ZNF341: variants seen among roughly 807,000 people sequenced by gnomAD.
ZNF341 encodes zinc finger protein 341.
ZNF341 carries 52 observed loss-of-function variants against 87.7 expected under a neutral mutation model. The observed-to-expected ratio is 0.59, with a 90% CI of 0.47 to 0.75. The LOEUF (loss-of-function observed/expected upper bound fraction) is 0.75. Ranked by LOEUF, ZNF341 falls within the 30% of genes least tolerant of loss-of-function variation. The probability of loss-of-function intolerance (pLI) is 0.00; values close to 1 mark genes in which losing one functional copy is unlikely to be tolerated. For synonymous variants in ZNF341, 459 were observed against 472.7 expected (o/e 0.97, Z 0.38); for missense variants, 977 against 1,145.9 (o/e 0.85, Z 2.13).
intron 4 of ZNF341, among the ~76,000 whole-genome samples, chr20:33,751,719 T>G (rs1212173474): frequency 2.6e-5 from 4 of 152,006 alleles, no homozygotes; most frequent in African/African-American, 9.7e-5. Context: ...GGACTACAGG[T>G]GTGCACCACT....
Position 33,791,342 on chromosome 20 carries a change from C to T in ZNF341, c.2390C>T (p.Pro797Leu), listed in dbSNP as rs376688156. 9 of 1,611,942 alleles carry T rather than the reference C, an allele frequency of 5.6e-6. No individual in the cohort carries two copies. Among genetic ancestry groups the T allele is most frequent in the African/African-American group, 5.3e-5 (4 of 74,910 alleles). The change falls in exon 15 of 15, where the codon CCG (proline) becomes CTG (leucine). Residue 797 changes from proline to leucine, a missense_variant. This residue lies in a region of ZNF341 where 221 missense variants were observed against 212.7 expected (regional missense o/e 1.04). Transcript: ENST00000375200. ...CCCGGCAAGCCGCCCTTCGCAGAGC[C>T]GGACGCGGTGCTGTCCATCGTTGTG... ...AVPGKPPFAE[P>L]DAVLSIVVGG...
intron 12 of ZNF341, among the ~76,000 whole-genome samples, chr20:33,785,559 A>G (rs1466310717): frequency 6.6e-6 from 1 of 151,598 alleles, no homozygotes; most frequent in Non-Finnish European, 1.5e-5. Flanking sequence ...ATGGTCTCAA[A>G]CTCCTGGCCT....
chr20:33,763,905 C>T (rs1427846603), intron 8 of ZNF341, among the ~76,000 whole-genome samples: 2 of 150,752 alleles, frequency 1.3e-5, no homozygotes, highest in East Asian at 2.0e-4. Flanking sequence ...AATGTTCAGC[C>T]GGGCATGGTG....
rs775319895 is a variant in ZNF341, at chr20:33,748,994, C to T, written c.411C>T (p.Ser137=). ...TGGTGCAGGGGAACATCTTGGTGAG[C>T]GATGATGTGCTCATGTCTGCCATGT... ...QTLVQGNILV[S]DDVLMSAMSA... The change falls in exon 4 of 15, where the codon AGC becomes AGT. Residue 137 remains serine, a synonymous_variant. Transcript: ENST00000375200. 2.5e-6 allele frequency: 4 copies of T among 1,614,222 alleles called. No homozygotes were observed. The highest frequency in any genetic ancestry group is 1.7e-5 in the Admixed American group (1 of 60,028).
At chr20:33,767,276 C>T (rs771368859) in intron 9 of ZNF341, among the ~76,000 whole-genome samples, 8 of 152,158 alleles carry the variant, frequency 5.3e-5, no homozygotes, top group Non-Finnish European at 1.2e-4. Flanking sequence ...CTCCACCCAG[C>T]GTAAGGACTC....
intron 9 of ZNF341, 127 bp downstream of exon 9, chr20:33,767,168 C>A: frequency 8.7e-7 from 1 of 1,144,332 alleles, no homozygotes; most frequent in Non-Finnish European, 1.2e-6. Context: ...GCTCTATTCC[C>A]CCCGGGTTAG....
intron 12 of ZNF341, among the ~76,000 whole-genome samples, chr20:33,786,738 GTGGGTGGA>G (rs930218538): frequency 6.6e-6 from 1 of 152,078 alleles, no homozygotes; most frequent in Non-Finnish European, 1.5e-5. Context: ...GAAGGTGAAG[GTGGGTGGA>G]GCACCTAGGT....
At position 33,790,984 on chromosome 20, in the gene ZNF341, C is replaced by T. The variant is rs769742493; in HGVS notation, c.2036-4C>T. ...CTTCTCACTGACTTTCCCTTGCCCT[C>T]CAGGCATGAAGCTCCACAAATGCGC... On this transcript the variant is annotated splice_polypyrimidine_tract_variant and splice_region_variant and intron_variant, in intron 14 of 14. Transcript: ENST00000375200. 3 of 1,607,252 alleles carry T rather than the reference C, an allele frequency of 1.9e-6. No homozygotes were observed. The highest frequency in any genetic ancestry group is 2.6e-6 in the Non-Finnish European group (3 of 1,176,086).
chr20:33,739,838 TACA>T (rs1431769265), intron 1 of ZNF341, among the ~76,000 whole-genome samples: 1 of 152,102 alleles, frequency 6.6e-6, no homozygotes, highest in Non-Finnish European at 1.5e-5. Context: ...GGCTGTGTTC[TACA>T]AGGTTCTCAG....
Position 33,757,202 on chromosome 20 carries a change from C to G in ZNF341, c.796C>G (p.Pro266Ala). 2 of 1,599,182 alleles carry G rather than the reference C, an allele frequency of 1.3e-6. No individual in the cohort carries two copies. The highest frequency in any genetic ancestry group is 1.7e-6 in the Non-Finnish European group (2 of 1,173,628). Residue 266 changes from proline to alanine, a missense_variant, in exon 6 of 15, where the codon CCT becomes GCT. Physicochemically the swap from Pro to Ala is conservative, Grantham distance 27. This residue lies in a region of ZNF341 where 515 missense variants were observed against 598.2 expected (regional missense o/e 0.86). Coordinates refer to ENST00000375200, the MANE Select transcript of ZNF341 (RefSeq NM_001282933.2). ...PVYPTPTVYSPGKQGFKPKGP... is the reference protein window; with the variant it reads ...PVYPTPTVYSAGKQGFKPKGP... ...ATATCCCACCCCCACAGTGTACAGC[C>G]CTGGCAAACAGGGATTCAAACCCAA...
rs777008913 is a variant in ZNF341 at position 33,791,007 on chromosome 20, C to T, written c.2055C>T (p.Cys685=). 67 of 1,612,246 alleles carry T rather than the reference C, an allele frequency of 4.2e-5. No homozygotes were observed. Among genetic ancestry groups the T allele is most frequent in the Middle Eastern group, 1.6e-4 (1 of 6,070 alleles). ...LSHSGMKLHK[C]ALCSKSFSRR... ...CTCCAGGCATGAAGCTCCACAAATG[C>T]GCCCTGTGCAGCAAGTCCTTCAGCC... is the stretch of plus-strand genomic sequence containing the variant. Residue 685 remains cysteine (C), a synonymous_variant, in exon 15 of 15, where the codon TGC becomes TGT. Coordinates refer to ENST00000375200, the MANE Select transcript of ZNF341 (RefSeq NM_001282933.2).
At position 33,741,027 on chromosome 20, in the gene ZNF341, A is replaced by G; in HGVS notation, c.142+15A>G. ...CCAGCCATTGGGTGAGTATCTGCTC[A>G]GGTTCACCGGTGGGAGAGTGAATGG... On this transcript the variant is annotated intron_variant, in intron 2 of 14. Coordinates refer to ENST00000375200, the MANE Select transcript of ZNF341 (RefSeq NM_001282933.2). 4 of 1,611,542 alleles carry G rather than the reference A, an allele frequency of 2.5e-6. No individual in the cohort carries two copies. Among genetic ancestry groups the G allele is most frequent in the Non-Finnish European group, 2.5e-6 (3 of 1,177,686 alleles).
Position 33,768,435 on chromosome 20 carries a change from T to C in ZNF341, c.1413+1394T>C, listed in dbSNP as rs2019456369. On this transcript the variant is annotated intron_variant, in intron 9 of 14. Transcript: ENST00000375200. ...ACCGCGCCCAGCCCGTGTTTTTGTTTTTTTTTTAGACAGGGTCTCACTCTG... is the reference window on the plus strand; with the variant it reads ...ACCGCGCCCAGCCCGTGTTTTTGTTCTTTTTTTAGACAGGGTCTCACTCTG... Among the ~76,000 whole-genome samples the C allele has an allele frequency of 2.0e-5, 3 of 151,780 alleles. No individual in the cohort carries two copies. The South Asian group carries it at 6.2e-4, about 32-fold the overall frequency.
intron 1 of ZNF341, among the ~76,000 whole-genome samples, chr20:33,735,785 C>A (rs1253513467): frequency 6.6e-6 from 1 of 152,102 alleles, no homozygotes; most frequent in Non-Finnish European, 1.5e-5. Flanking sequence ...AGAACAGGGG[C>A]ATCACTCCAA....
intron 1 of ZNF341, among the ~76,000 whole-genome samples, chr20:33,733,670 G>C (rs769818010): frequency 1.1e-4 from 16 of 152,164 alleles, no homozygotes; most frequent in Non-Finnish European, 1.8e-4. Flanking sequence ...ACTGCTCCAG[G>C]ACTCCCTTCA....
chr20:33,739,247 C>T (rs1316332520), intron 1 of ZNF341, among the ~76,000 whole-genome samples: 4 of 152,216 alleles, frequency 2.6e-5, no homozygotes, highest in African/African-American at 4.8e-5. Flanking sequence ...GAATTACAGG[C>T]GTGAGCCACC....
intron 12 of ZNF341, among the ~76,000 whole-genome samples, chr20:33,784,615 CTT>C (rs542593728): frequency 7.2e-6 from 1 of 139,594 alleles, no homozygotes. Context: ...ACTTTTTATT[CTT>C]TTTTTTTTTT....
chr20:33,778,601 G>A (rs180681232), intron 10 of ZNF341, among the ~76,000 whole-genome samples: 27 of 152,292 alleles, frequency 1.8e-4, no homozygotes, highest in African/African-American at 6.3e-4. Context: ...ATGAGCCACC[G>A]CGCCTGGCTA....
rs550656961 is a variant in ZNF341, at chr20:33,777,404, G to A, written c.1623-3887G>A. Among the ~76,000 whole-genome samples, 14 of 151,632 alleles carry A rather than the reference G, an allele frequency of 9.2e-5. No homozygotes were observed. The East Asian group carries it at 2.7e-3, about 29-fold the overall frequency. ...AATCCCAACACTTTGGGAGGCTGAG[G>A]TGGGCGGATCACCTGAAGTCAGGAG... On this transcript the variant is annotated intron_variant, in intron 10 of 14. Coordinates refer to ENST00000375200, the MANE Select transcript of ZNF341 (RefSeq NM_001282933.2).
Sources: gnomAD v4.1 joint callset for allele counts (sites outside exome capture counted in the v4.1 genomes callset) on GRCh38, gnomAD v4.1.1 for gene constraint, gnomAD v4.1.1 regional missense constraint, MANE v1.5 for transcripts, NCBI Gene and HGNC (gene_info 2026-07-23, HGNC 2026-07-21) for gene names.